The following PITPNC1 variants were observed in gnomAD, a reference collection of about 807,000 sequenced individuals.
PITPNC1 encodes cytoplasmic phosphatidylinositol transfer protein 1.
Under a neutral mutation model 44.7 loss-of-function variants are expected in PITPNC1, and 18 were observed. The observed-to-expected ratio is 0.40, with a 90% CI of 0.28 to 0.60. PITPNC1 has a LOEUF of 0.60. Among genes scored for constraint, PITPNC1 ranks in the 20% least tolerant of loss-of-function variants. PITPNC1 has a pLI of 0.39. For missense variants in PITPNC1, 290 were observed against 418.4 expected, an observed-to-expected ratio of 0.69 and a Z score of 2.68; for synonymous variants, 141 against 149.6, an observed-to-expected ratio of 0.94 and a Z score of 0.42.
At chr17:67,554,263 T>TC (rs1458242281) in intron 4 of PITPNC1, among the ~76,000 whole-genome samples, 1 of 147,490 alleles carries the variant, frequency 6.8e-6, no homozygotes, top group African/African-American at 2.5e-5. Flanking sequence ...ATTTTTTTTT[T>TC]TTTTTTTTTT....
chr17:67,554,586 A>T (rs907948892), intron 4 of PITPNC1, among the ~76,000 whole-genome samples: 13 of 152,156 alleles, frequency 8.5e-5, no homozygotes, highest in African/African-American at 3.1e-4. Flanking sequence ...AGCTGTGTTA[A>T]GAGTTGAGTT....
In PITPNC1 at chr17:67,693,913, C is replaced by G. The variant is rs919832513; in HGVS notation, c.*1025C>G. On this transcript the variant is annotated 3_prime_UTR_variant, in exon 9 of 9. Coordinates refer to ENST00000581322, the MANE Select transcript of PITPNC1 (RefSeq NM_012417.4). ...AGAATTCCCTGGAACAGATTGCCTA[C>G]CACCAGACCTTAGAAAAGACTGTCA... 6.6e-6 allele frequency: 1 copy of G among 152,166 alleles called. No individual in the cohort carries two copies. Among genetic ancestry groups the G allele is most frequent in the African/African-American group, 2.4e-5 (1 of 41,420 alleles). The allele number at this position is 152,166 out of a possible 1,614,324, so 9.4% of individuals were successfully genotyped here.
chr17:67,398,260 C>A (rs2143814949), intron 1 of PITPNC1, among the ~76,000 whole-genome samples: 1 of 152,122 alleles, frequency 6.6e-6, no homozygotes, highest in South Asian at 2.1e-4. Flanking sequence ...ACATTTTTGC[C>A]AATGAGAAAT....
At chr17:67,529,388 G>C (rs1456161992) in intron 1 of PITPNC1, among the ~76,000 whole-genome samples, 3 of 152,170 alleles carry the variant, frequency 2.0e-5, no homozygotes, top group African/African-American at 7.2e-5. Context: ...GCCCCTTACC[G>C]AGGTCCTGGG....
At chr17:67,605,393 C>T (rs1242371230) in intron 5 of PITPNC1, among the ~76,000 whole-genome samples, 9 of 152,282 alleles carry the variant, frequency 5.9e-5, no homozygotes, top group Middle Eastern at 3.4e-3. Context: ...CTTGGACTCA[C>T]GCCGCCTGCC....
In PITPNC1 at chr17:67,421,438, A is replaced by G. The variant is rs1317403032; in HGVS notation, c.48+43236A>G. 4.6e-5 allele frequency among the ~76,000 whole-genome samples: 7 copies of G among 152,116 alleles called. No homozygotes were observed. In the East Asian group the frequency reaches 1.4e-3, roughly 29 times the overall value. ...GCTGGGATTACAGGCACTCATCACC[A>G]CGCCTGGCTAATTTGTGTATTTTTA... On this transcript the variant is annotated intron_variant, in intron 1 of 8. Transcript: ENST00000581322.
chr17:67,423,824 A>G (rs1888720731), intron 1 of PITPNC1, among the ~76,000 whole-genome samples: 1 of 152,196 alleles, frequency 6.6e-6, no homozygotes, highest in African/African-American at 2.4e-5. Context: ...CCCAGGTCCC[A>G]CAGTGGAGAG....
At chr17:67,453,039 T>C (rs927604252) in intron 1 of PITPNC1, among the ~76,000 whole-genome samples, 2 of 152,194 alleles carry the variant, frequency 1.3e-5, no homozygotes, top group African/African-American at 4.8e-5. Context: ...GAACATGTTG[T>C]GTTGTGCTGT....
intron 1 of PITPNC1, among the ~76,000 whole-genome samples, chr17:67,440,501 TA>T (rs1232404047): frequency 0.024 from 248 of 10,510 alleles, 3 homozygotes; most frequent in Middle Eastern, 0.21. Context: ...CAAGACTTTT[TA>T]TTTATTTATT....
intron 1 of PITPNC1, among the ~76,000 whole-genome samples, chr17:67,414,523 G>A (rs1431416234): frequency 6.6e-6 from 1 of 151,810 alleles, no homozygotes; most frequent in Non-Finnish European, 1.5e-5. Context: ...TCTGCAACCT[G>A]CATTCCAAGG....
intron 5 of PITPNC1, among the ~76,000 whole-genome samples, chr17:67,604,339 G>A (rs1277305555): frequency 2.0e-5 from 3 of 152,242 alleles, no homozygotes; most frequent in Non-Finnish European, 4.4e-5. Context: ...ATTAGAAGGG[G>A]AGGCTGGTAG....
At chr17:67,422,248 A>G (rs537443898) in intron 1 of PITPNC1, among the ~76,000 whole-genome samples, 2 of 152,308 alleles carry the variant, frequency 1.3e-5, no homozygotes, top group East Asian at 1.9e-4. Context: ...TTCCTTTGAC[A>G]TTGTCTACTT....
chr17:67,578,390 G>C (rs2041179570), intron 5 of PITPNC1, 133 bp downstream of exon 5: 1 of 638,716 alleles, frequency 1.6e-6, no homozygotes, highest in Non-Finnish European at 2.8e-6. Context: ...CTGGCCTTTG[G>C]CTTCTGAGGG....
At chr17:67,444,272 G>A (rs1323624976) in intron 1 of PITPNC1, among the ~76,000 whole-genome samples, 1 of 152,106 alleles carries the variant, frequency 6.6e-6, no homozygotes, top group Non-Finnish European at 1.5e-5. Context: ...GTGGAAAGAA[G>A]AGATCACAAT....
intron 2 of PITPNC1, among the ~76,000 whole-genome samples, chr17:67,540,147 A>G (rs1174675875): frequency 6.6e-6 from 1 of 151,714 alleles, no homozygotes; most frequent in African/African-American, 2.4e-5. Context: ...TCTGTCACCC[A>G]GGCTGGAGTG....
At chr17:67,681,421 C>T (rs2042702801) in intron 8 of PITPNC1, among the ~76,000 whole-genome samples, 1 of 151,562 alleles carries the variant, frequency 6.6e-6, no homozygotes, top group Non-Finnish European at 1.5e-5. Context: ...GAGACCAGCC[C>T]TGGCAACACA....
intron 1 of PITPNC1, among the ~76,000 whole-genome samples, chr17:67,482,971 T>C (rs986774605): frequency 2.0e-5 from 3 of 150,664 alleles, no homozygotes; most frequent in African/African-American, 7.4e-5. Flanking sequence ...CCTGCCGCCC[T>C]GTACCACAGT....
intron 5 of PITPNC1, among the ~76,000 whole-genome samples, chr17:67,601,995 G>A (rs1192719666): frequency 6.6e-6 from 1 of 152,140 alleles, no homozygotes; most frequent in Non-Finnish European, 1.5e-5. Context: ...GGTAATAAAG[G>A]TCAAAGATAA....
At position 67,378,074 on chromosome 17, in the gene PITPNC1, G is replaced by A. The variant is rs558144723; in HGVS notation, c.-81G>A. Reference sequence around the variant, plus strand: ...CCGAGCGCCGGGCTCCGGGCGCCCTGCCCTGCGCCTGGGCAGCAGCCTTGC... The same window carrying A: ...CCGAGCGCCGGGCTCCGGGCGCCCTACCCTGCGCCTGGGCAGCAGCCTTGC... On this transcript the variant is annotated 5_prime_UTR_variant, in exon 1 of 9. Coordinates refer to ENST00000581322, the MANE Select transcript of PITPNC1 (RefSeq NM_012417.4). 2.3e-5 allele frequency: 22 copies of A among 957,018 alleles called. No individual in the cohort carries two copies. The highest frequency in any genetic ancestry group is 2.8e-4 in the Middle Eastern group (1 of 3,514). The allele number at this position is 957,018 out of a possible 1,614,324, so 59.3% of individuals were successfully genotyped here.
Sources: allele counts gnomAD v4.1 joint callset (sites outside exome capture counted in the v4.1 genomes callset), GRCh38; gene constraint gnomAD v4.1.1; transcripts MANE v1.5; gene names NCBI Gene and HGNC (gene_info 2026-07-23, HGNC 2026-07-21).